Variants in FRYL observed in about 807,000 individuals in gnomAD.
The protein encoded by FRYL is protein furry homolog-like.
Under a neutral mutation model 351.2 loss-of-function variants are expected in FRYL, and 150 were observed. The observed-to-expected ratio is 0.43, with a 90% CI of 0.37 to 0.49. The LOEUF is 0.49. FRYL is among the 20% of genes least tolerant of loss of function. FRYL has a pLI of 0.00. For synonymous variants in FRYL, 1,153 were observed against 1,257.1 expected (o/e 0.92, Z 1.75); for missense variants, 3,036 against 3,619.3 (o/e 0.84, Z 4.13).
At position 48,601,760 on chromosome 4, in the gene FRYL, A is replaced by G. The variant is rs545549472; in HGVS notation, c.1035+260T>C. On this transcript the variant is annotated intron_variant, in intron 13 of 63. Transcript: ENST00000358350. ...ATTAACAAATATTCCTAGATTTAAG[A>G]TAATATAAATATCACTAAAAATGTA... is the stretch of plus-strand genomic sequence containing the variant. 4.3e-4 allele frequency among the ~76,000 whole-genome samples: 66 copies of G among 152,290 alleles called. 2 individuals carry two copies. The South Asian group carries it at 0.014, about 32-fold the overall frequency.
intron 45 of FRYL, among the ~76,000 whole-genome samples, chr4:48,541,463 C>T (rs138842559): frequency 8.6e-4 from 131 of 152,216 alleles, no homozygotes; most frequent in African/African-American, 2.9e-3. Flanking sequence ...GAATATTAGA[C>T]AAGTCTTTTG....
At chr4:48,535,558 A>AAT in intron 48 of FRYL, 99 bp downstream of exon 48, 1 of 592,268 alleles carries the variant, frequency 1.7e-6, no homozygotes, top group Non-Finnish European at 2.5e-6. Flanking sequence ...GAGTAGTTAA[A>AAT]ATATATATAT....
intron 60 of FRYL, 23 bp from the exon 61 acceptor site, chr4:48,502,868 C>T (rs1720027012): frequency 1.2e-6 from 2 of 1,600,606 alleles, no homozygotes; most frequent in African/African-American, 2.7e-5. Context: ...GTGATCAGGT[C>T]ACAAAAAATA....
At chr4:48,660,423 C>G (rs1189263003) in intron 3 of FRYL, among the ~76,000 whole-genome samples, 1 of 152,158 alleles carries the variant, frequency 6.6e-6, no homozygotes, top group Admixed American at 6.5e-5. Context: ...AAGAGTGGCT[C>G]CACTATGCCT....
chr4:48,772,720 A>G (rs1222188147), intron 1 of FRYL, among the ~76,000 whole-genome samples: 1 of 151,366 alleles, frequency 6.6e-6, no homozygotes, highest in African/African-American at 2.4e-5. Flanking sequence ...ACAAAACAAG[A>G]ATTCTGAGAA....
chr4:48,698,775 T>C (rs904818721), intron 2 of FRYL, among the ~76,000 whole-genome samples: 6 of 152,024 alleles, frequency 3.9e-5, no homozygotes, highest in Non-Finnish European at 7.4e-5. Flanking sequence ...TGAAAAAACA[T>C]GCATATAAGA....
At chr4:48,658,452 G>C (rs897675443) in intron 3 of FRYL, among the ~76,000 whole-genome samples, 1 of 151,814 alleles carries the variant, frequency 6.6e-6, no homozygotes, top group African/African-American at 2.4e-5. Flanking sequence ...AAAGGTTTTA[G>C]GTAGGCTGGG....
At position 48,669,069 on chromosome 4, in the gene FRYL, T is replaced by C. The variant is rs546125300; in HGVS notation, c.-81+15604A>G. Among the ~76,000 whole-genome samples, 199 of 152,374 alleles carry C rather than the reference T, an allele frequency of 1.3e-3. 1 individual carries two copies. The highest frequency in any genetic ancestry group is 4.2e-3 in the African/African-American group (176 of 41,594). ...ATTTTGAGATAGACATTTTATTGTCTTATTCATCTTTTTACACCTTTATTA... is the reference window on the plus strand; with the variant it reads ...ATTTTGAGATAGACATTTTATTGTCCTATTCATCTTTTTACACCTTTATTA... On this transcript the variant is annotated intron_variant, in intron 3 of 63. Transcript: ENST00000358350.
In FRYL at chr4:48,579,170, G is replaced by A. The variant is rs1740308777; in HGVS notation, c.2331C>T (p.Ser777=). ...TLAEWNSSPI[S]HQFDVISPSH... ...ATGGACTAATCACATCAAACTGGTG[G>A]CTAATAGGAGAAGAGTTCCATTCTG... is the stretch of plus-strand genomic sequence containing the variant. Residue 777 remains serine (S), a synonymous_variant, in exon 23 of 64, where the codon AGC becomes AGT. Coordinates refer to ENST00000358350, the MANE Select transcript of FRYL (RefSeq NM_015030.2). 1 of 1,613,444 alleles carries A rather than the reference G, an allele frequency of 6.2e-7. No homozygotes were observed. The highest frequency in any genetic ancestry group is 1.7e-5 in the Admixed American group (1 of 59,990).
chr4:48,590,941 G>C, intron 16 of FRYL, 111 bp from the exon 17 acceptor site: 41 of 715,276 alleles, frequency 5.7e-5, no homozygotes, highest in Non-Finnish European at 8.0e-5. Context: ...AAGGAAGGAA[G>C]ATAGAAGGAA....
At chr4:48,774,041 A>C (rs1381436497) in intron 1 of FRYL, among the ~76,000 whole-genome samples, 3 of 152,234 alleles carry the variant, frequency 2.0e-5, no homozygotes, top group Admixed American at 6.5e-5. Context: ...TTACGCAGGA[A>C]TGTACATTTA....
At chr4:48,730,121 A>T (rs1770561310) in intron 1 of FRYL, among the ~76,000 whole-genome samples, 1 of 152,194 alleles carries the variant, frequency 6.6e-6, no homozygotes, top group Non-Finnish European at 1.5e-5. Flanking sequence ...ATCAAGTGGA[A>T]GAAAGGATAT....
Position 48,746,191 on chromosome 4 carries a change from C to A in FRYL, c.-384+33887G>T, listed in dbSNP as rs1340747179. On this transcript the variant is annotated intron_variant, in intron 1 of 63. Coordinates refer to ENST00000358350, the MANE Select transcript of FRYL (RefSeq NM_015030.2). Reference sequence around the variant, plus strand: ...TCACTGTGGTTAGGAGTCGGCACAGCCCTCTTCTCTAAGGATCTGGATTTC... The same window carrying A: ...TCACTGTGGTTAGGAGTCGGCACAGACCTCTTCTCTAAGGATCTGGATTTC... Among the ~76,000 whole-genome samples, 3 of 152,152 alleles carry A rather than the reference C, an allele frequency of 2.0e-5. No individual in the cohort carries two copies. In the East Asian group the frequency reaches 5.8e-4, roughly 29 times the overall value.
At chr4:48,773,181 C>T (rs1346163093) in intron 1 of FRYL, among the ~76,000 whole-genome samples, 1 of 152,174 alleles carries the variant, frequency 6.6e-6, no homozygotes, top group Admixed American at 6.5e-5. Flanking sequence ...TATCACACTA[C>T]TTAGCAAGTA....
rs1719583388 is a variant in FRYL, at chr4:48,501,252, G to A, written c.8592+371C>T. Among the ~76,000 whole-genome samples, 3 of 152,116 alleles carry A rather than the reference G, an allele frequency of 2.0e-5. No homozygotes were observed. The South Asian group carries it at 6.2e-4, about 32-fold the overall frequency. On this transcript the variant is annotated intron_variant, in intron 62 of 63. Transcript: ENST00000358350. Reference sequence around the variant, plus strand: ...GTCACCTATGCTGGAGTGCAGTGCTGCAATCACAGCTCACTACAGCTTCTA... The same window carrying A: ...GTCACCTATGCTGGAGTGCAGTGCTACAATCACAGCTCACTACAGCTTCTA...
intron 59 of FRYL, among the ~76,000 whole-genome samples, chr4:48,506,963 T>TATCA (rs559974899): frequency 7.8e-4 from 119 of 152,246 alleles, no homozygotes; most frequent in African/African-American, 2.6e-3. Flanking sequence ...TGTCAAAAGC[T>TATCA]ATCAGTGGAT....
chr4:48,521,503 T>G (rs1219580346), intron 54 of FRYL, among the ~76,000 whole-genome samples: 1 of 152,222 alleles, frequency 6.6e-6, no homozygotes, highest in South Asian at 2.1e-4. Context: ...GAAATTCATA[T>G]TGGAGCTGAA....
intron 3 of FRYL, among the ~76,000 whole-genome samples, chr4:48,660,185 T>C (rs188211529): frequency 7.3e-4 from 111 of 152,088 alleles, no homozygotes; most frequent in Non-Finnish European, 1.6e-4. Context: ...TGGTCAAAGC[T>C]GAAACAAATT....
chr4:48,502,180 T>C (rs1719836555), intron 61 of FRYL, among the ~76,000 whole-genome samples: 1 of 152,180 alleles, frequency 6.6e-6, no homozygotes, highest in Admixed American at 6.5e-5. Context: ...AGAAAAGCTG[T>C]CTTTTAAAGT....
Sources: allele counts gnomAD v4.1 joint callset (sites outside exome capture counted in the v4.1 genomes callset), GRCh38; gene constraint gnomAD v4.1.1; transcripts MANE v1.5; gene names NCBI Gene and HGNC (gene_info 2026-07-23, HGNC 2026-07-21).